IL1R1: variants seen among roughly 807,000 people sequenced by gnomAD.
IL1R1 encodes interleukin-1 receptor type 1.
IL1R1 carries 22 observed loss-of-function variants against 50.2 expected under a neutral mutation model. The ratio of observed to expected loss-of-function variants is 0.44; its 90% CI spans 0.31 to 0.63. The LOEUF (loss-of-function observed/expected upper bound fraction) is 0.63, where lower values mean the gene tolerates loss of function less well. Ranked by LOEUF, IL1R1 falls within the 20% of genes least tolerant of loss-of-function variation. The pLI, the probability that IL1R1 is intolerant of heterozygous loss-of-function variation, is 0.07. For missense variants in IL1R1, 509 were observed against 676.2 expected (o/e 0.75, Z 2.74); for synonymous variants, 251 against 236.7 (o/e 1.06, Z -0.55).
rs1390376967 is a variant in IL1R1, at chr2:102,172,687, T to C, written c.840T>C (p.Ser280=). ...DDPVLGEDYY[S]VENPANKRRS... ...TTTATTTACTCTCTCTCTCGAATAGTGTGGAAAATCCTGCAAACAAAAGAA... is the reference window on the plus strand; with the variant it reads ...TTTATTTACTCTCTCTCTCGAATAGCGTGGAAAATCCTGCAAACAAAAGAA... The change falls in exon 9 of 12, where the codon AGT becomes AGC. Residue 280 remains serine, a splice_region_variant and synonymous_variant. Coordinates refer to ENST00000410023, the MANE Select transcript of IL1R1 (RefSeq NM_000877.4). 7 of 1,601,112 alleles carry C rather than the reference T, an allele frequency of 4.4e-6. No individual in the cohort carries two copies.
At chr2:102,092,721 A>G (rs1679728352) in intron 1 of IL1R1, among the ~76,000 whole-genome samples, 1 of 152,140 alleles carries the variant, frequency 6.6e-6, no homozygotes, top group Non-Finnish European at 1.5e-5. Context: ...TCTTGCTGAA[A>G]AGGTCTGGAA....
intron 1 of IL1R1, among the ~76,000 whole-genome samples, chr2:102,084,167 A>G (rs770563967): frequency 2.0e-5 from 3 of 152,208 alleles, no homozygotes; most frequent in Admixed American, 6.5e-5. Flanking sequence ...GAAAGGCCAT[A>G]CAAAAACCCT....
At chr2:102,157,028 C>A (rs1304682132) in intron 2 of IL1R1, among the ~76,000 whole-genome samples, 1 of 152,158 alleles carries the variant, frequency 6.6e-6, no homozygotes, top group Non-Finnish European at 1.5e-5. Flanking sequence ...CTAGACATTG[C>A]TCCTAAGGTT....
chr2:102,115,680 T>C (rs909698080), intron 1 of IL1R1, among the ~76,000 whole-genome samples: 1 of 152,020 alleles, frequency 6.6e-6, no homozygotes, highest in African/African-American at 2.4e-5. Context: ...GTGCAGTATT[T>C]GGGATAGGCC....
At chr2:102,173,642 C>A (rs181670387) in intron 9 of IL1R1, among the ~76,000 whole-genome samples, 2 of 152,018 alleles carry the variant, frequency 1.3e-5, no homozygotes, top group African/African-American at 4.8e-5. Context: ...TTGAAAGACT[C>A]GATATTATGA....
In IL1R1 at chr2:102,109,611, C is replaced by T. The variant is rs569166155; in HGVS notation, c.-84+4739C>T. Among the ~76,000 whole-genome samples the T allele has an allele frequency of 2.6e-5, 4 of 152,290 alleles. No homozygotes were observed. In the South Asian group the frequency reaches 8.3e-4, roughly 32 times the overall value. Reference sequence around the variant, plus strand: ...ACCTGGAAAACTCAGCCACAACAACCCCTCAACTTGGGGATCAGGCAGGGC... The same window carrying T: ...ACCTGGAAAACTCAGCCACAACAACTCCTCAACTTGGGGATCAGGCAGGGC... On this transcript the variant is annotated intron_variant, in intron 1 of 10. Transcript: ENST00000409329.
At chr2:102,136,624 C>T (rs1408361869) in intron 1 of IL1R1, among the ~76,000 whole-genome samples, 4 of 152,146 alleles carry the variant, frequency 2.6e-5, no homozygotes, top group African/African-American at 9.7e-5. Context: ...GATCTACCCT[C>T]CTCGGCCTCC....
chr2:102,100,963 G>C (rs1005936324), upstream of IL1R1, among the ~76,000 whole-genome samples: 1 of 152,136 alleles, frequency 6.6e-6, no homozygotes, highest in African/African-American at 2.4e-5. Context: ...GACCACAAAG[G>C]TTACCAGTGG....
intron 1 of IL1R1, among the ~76,000 whole-genome samples, chr2:102,136,400 G>A (rs371719519): frequency 0.012 from 1,418 of 114,350 alleles, 23 homozygotes; most frequent in African/African-American, 0.046. Flanking sequence ...TTTTTGAGAC[G>A]GAGTCTCACT....
intron 1 of IL1R1, chr2:102,070,652 T>C (rs1195166990): frequency 6.6e-6 from 1 of 152,054 alleles, no homozygotes; most frequent in Non-Finnish European, 1.5e-5. Flanking sequence ...CTAGGGTGTT[T>C]GAAGAGATAG....
chr2:102,148,670 T>G (rs921964241), intron 1 of IL1R1, among the ~76,000 whole-genome samples: 36 of 152,222 alleles, frequency 2.4e-4, no homozygotes, highest in African/African-American at 6.3e-4. Flanking sequence ...TCTCTGGCTG[T>G]CTGTAGCTTC....
At chr2:102,088,043 T>C (rs1230894446) in intron 1 of IL1R1, among the ~76,000 whole-genome samples, 1 of 152,210 alleles carries the variant, frequency 6.6e-6, no homozygotes, top group Non-Finnish European at 1.5e-5. Flanking sequence ...CTGCAGTTAC[T>C]TCCTCTACTG....
intron 1 of IL1R1, among the ~76,000 whole-genome samples, chr2:102,090,439 T>C (rs1679617195): frequency 6.6e-6 from 1 of 152,208 alleles, no homozygotes; most frequent in Non-Finnish European, 1.5e-5. Context: ...CTAAGATTAA[T>C]TATACATATG....
In IL1R1 at chr2:102,178,380, G is replaced by T. The variant is rs1376198939; in HGVS notation, c.*1621G>T. Reference sequence around the variant, plus strand: ...AGGAGCAATTTGCACATGTAACATAGATTTATGTAATGCTTTATGTTTAAA... The same window carrying T: ...AGGAGCAATTTGCACATGTAACATATATTTATGTAATGCTTTATGTTTAAA... On this transcript the variant is annotated 3_prime_UTR_variant, in exon 12 of 12. Transcript: ENST00000410023. 6.6e-6 allele frequency: 1 copy of T among 152,228 alleles called. No homozygotes were observed. Among genetic ancestry groups the T allele is most frequent in the Non-Finnish European group, 1.5e-5 (1 of 68,028 alleles). 9.4% of individuals were successfully genotyped at this position (152,228 alleles called of 1,614,324 possible). A position where few individuals can be genotyped will look rare whatever the true frequency, so the allele number is the denominator to read the frequency against.
chr2:102,148,852 A>G (rs909914969), intron 1 of IL1R1, among the ~76,000 whole-genome samples: 6 of 152,168 alleles, frequency 3.9e-5, no homozygotes, highest in African/African-American at 1.4e-4. Context: ...TATGAATCTT[A>G]TAACAAAGGA....
intron 1 of IL1R1, among the ~76,000 whole-genome samples, chr2:102,144,580 A>T (rs914415741): frequency 1.3e-5 from 2 of 152,184 alleles, no homozygotes; most frequent in African/African-American, 2.4e-5. Flanking sequence ...ACTATCTACT[A>T]TGTGCCAGGC....
At chr2:102,087,815 T>C (rs1679493476) in intron 1 of IL1R1, among the ~76,000 whole-genome samples, 1 of 151,500 alleles carries the variant, frequency 6.6e-6, no homozygotes, top group Non-Finnish European at 1.5e-5. Flanking sequence ...TCTTTCTTTA[T>C]AGCAGTGTGA....
intron 1 of IL1R1, among the ~76,000 whole-genome samples, chr2:102,119,607 A>T (rs916494280): frequency 7.9e-5 from 12 of 152,246 alleles, no homozygotes; most frequent in African/African-American, 2.7e-4. Context: ...GCAGATGACT[A>T]GCTGTTGGTT....
intron 1 of IL1R1, among the ~76,000 whole-genome samples, chr2:102,093,854 C>CG (rs961594357): frequency 1.7e-5 from 2 of 115,550 alleles, no homozygotes; most frequent in East Asian, 3.2e-4. Flanking sequence ...GAGACACGCG[C>CG]GGGGCAGCAG....
Sources: gnomAD v4.1 joint callset for allele counts (sites outside exome capture counted in the v4.1 genomes callset) on GRCh38, gnomAD v4.1.1 for gene constraint, MANE v1.5 for transcripts, NCBI Gene and HGNC (gene_info 2026-07-23, HGNC 2026-07-21) for gene names.